PCDH9: variants seen among roughly 807,000 people sequenced by gnomAD.
PCDH9 encodes the protein protocadherin-9.
In PCDH9, 24 loss-of-function variants were observed where a neutral mutation model predicts 70.6. The observed-to-expected ratio is 0.34, with a 90% confidence interval of 0.25 to 0.48. PCDH9 has a LOEUF of 0.48. PCDH9 is among the 20% of genes least tolerant of loss of function. The pLI is 0.99. For synonymous variants in PCDH9, 562 were observed against 558.5 expected (o/e 1.01, Z -0.09); for missense variants, 1,281 against 1,503.6 (o/e 0.85, Z 2.45).
intron 4 of PCDH9, among the ~76,000 whole-genome samples, chr13:66,377,498 A>G (rs970952516): frequency 2.0e-5 from 3 of 151,930 alleles, no homozygotes; most frequent in African/African-American, 7.3e-5. Context: ...CATTCTTAAA[A>G]GAAAAAAAAA....
At chr13:67,012,824 G>A (rs942974435) in intron 2 of PCDH9, among the ~76,000 whole-genome samples, 2 of 151,874 alleles carry the variant, frequency 1.3e-5, no homozygotes, top group African/African-American at 4.8e-5. Flanking sequence ...CGAAAATTCC[G>A]AAGTGTTACT....
intron 2 of PCDH9, among the ~76,000 whole-genome samples, chr13:66,937,789 C>G (rs2082940910): frequency 6.6e-6 from 1 of 151,094 alleles, no homozygotes; most frequent in South Asian, 2.1e-4. Flanking sequence ...TGTTTCTGTA[C>G]TTCACTTCCA....
intron 2 of PCDH9, among the ~76,000 whole-genome samples, chr13:67,111,726 T>C (rs1031319288): frequency 6.6e-6 from 1 of 152,174 alleles, no homozygotes; most frequent in South Asian, 2.1e-4. Context: ...TATTTTTGAG[T>C]GGCTTTGATA....
chr13:66,567,321 C>T (rs560601890), intron 4 of PCDH9, among the ~76,000 whole-genome samples: 111 of 152,126 alleles, frequency 7.3e-4, no homozygotes, highest in Middle Eastern at 3.4e-3. Context: ...GAATAAAAAA[C>T]GCGTGGTATG....
intron 2 of PCDH9, among the ~76,000 whole-genome samples, chr13:67,162,916 A>C (rs144293538): frequency 6.1e-4 from 93 of 152,332 alleles, no homozygotes; most frequent in African/African-American, 2.2e-3. Context: ...GAAATTTAGA[A>C]AAGTTAACAA....
At chr13:66,823,436 A>G (rs2080751881) in intron 3 of PCDH9, among the ~76,000 whole-genome samples, 1 of 151,740 alleles carries the variant, frequency 6.6e-6, no homozygotes, top group Non-Finnish European at 1.5e-5. Context: ...TTATATTATA[A>G]AGATAATATA....
chr13:66,895,090 G>A (rs985544721), intron 3 of PCDH9, among the ~76,000 whole-genome samples: 3 of 152,106 alleles, frequency 2.0e-5, no homozygotes, highest in Non-Finnish European at 2.9e-5. Flanking sequence ...TTACAGGTAT[G>A]AGCCACCACG....
chr13:66,528,462 T>A (rs374205216), intron 4 of PCDH9, among the ~76,000 whole-genome samples: 58 of 152,240 alleles, frequency 3.8e-4, no homozygotes, highest in African/African-American at 1.4e-3. Flanking sequence ...AAATGTGTTT[T>A]CCCAAGCAAC....
chr13:66,970,646 A>G, intron 2 of PCDH9, among the ~76,000 whole-genome samples: 1 of 772 alleles, frequency 1.3e-3, no homozygotes, highest in South Asian at 0.17. Context: ...AAAAAAAGCA[A>G]AAAAAAAAAA....
intron 4 of PCDH9, among the ~76,000 whole-genome samples, chr13:66,442,933 C>A (rs1213469109): frequency 6.6e-6 from 1 of 152,132 alleles, no homozygotes; most frequent in Non-Finnish European, 1.5e-5. Context: ...GTTCCTAATT[C>A]CAGGCATATC....
chr13:66,712,470 T>A (rs2078807912), intron 3 of PCDH9, among the ~76,000 whole-genome samples: 1 of 152,132 alleles, frequency 6.6e-6, no homozygotes. Context: ...GAATTATTCC[T>A]TTAAATACAA....
chr13:66,678,138 G>A (rs77099593), intron 3 of PCDH9, among the ~76,000 whole-genome samples: 15,036 of 151,980 alleles, frequency 0.099, 856 homozygotes, highest in Middle Eastern at 0.13. Flanking sequence ...AAGTTGTTAC[G>A]TTACAGTTCT....
intron 3 of PCDH9, among the ~76,000 whole-genome samples, chr13:66,822,189 C>T (rs1035273718): frequency 6.6e-6 from 1 of 151,600 alleles, no homozygotes; most frequent in African/African-American, 2.4e-5. Context: ...CTAAGATTTT[C>T]CACTTATATA....
chr13:66,332,188 C>A lies in PCDH9; in HGVS notation c.3341-27160G>T, dbSNP rs139813209. ...AGAATTTCCTTCCAAACTTCTGAGGCATTTAGAAGTGCTAAGTAACTTTCC... is the reference window on the plus strand; with the variant it reads ...AGAATTTCCTTCCAAACTTCTGAGGAATTTAGAAGTGCTAAGTAACTTTCC... On this transcript the variant is annotated intron_variant, in intron 4 of 4. Coordinates refer to ENST00000377865, the MANE Select transcript of PCDH9 (RefSeq NM_203487.3). Among the ~76,000 whole-genome samples, 57 of 152,186 alleles carry A rather than the reference C, an allele frequency of 3.7e-4. 1 individual carries two copies. The highest frequency in any genetic ancestry group is 1.3e-3 in the African/African-American group (55 of 41,548).
chr13:66,765,743 A>T (rs983094802), intron 3 of PCDH9, among the ~76,000 whole-genome samples: 2 of 152,178 alleles, frequency 1.3e-5, no homozygotes, highest in Admixed American at 1.3e-4. Context: ...CCTAGCACTG[A>T]GGTCATGTTT....
intron 2 of PCDH9, among the ~76,000 whole-genome samples, chr13:67,012,734 T>A (rs2084475708): frequency 2.6e-5 from 4 of 151,940 alleles, no homozygotes; most frequent in Admixed American, 2.6e-4. Context: ...TCCAACTAAA[T>A]CAAATAGTTA....
chr13:67,013,062 A>C lies in PCDH9; in HGVS notation c.3037-109457T>G, dbSNP rs118118256. On this transcript the variant is annotated intron_variant, in intron 2 of 4. Transcript: ENST00000377865. The stretch of plus-strand genomic sequence containing the variant: ...GCATAACAAAATTATAGCTGTGATC[A>C]TATAGTAGTCTTTTTTATTAATAAC... Among the ~76,000 whole-genome samples the C allele has an allele frequency of 6.1e-3, 927 of 152,082 alleles. 3 individuals carry two copies. Among genetic ancestry groups the C allele is most frequent in the Middle Eastern group, 0.024 (7 of 294 alleles).
chr13:66,908,686 C>G (rs1480745864), intron 2 of PCDH9, among the ~76,000 whole-genome samples: 1 of 152,104 alleles, frequency 6.6e-6, no homozygotes, highest in Non-Finnish European at 1.5e-5. Context: ...GAAATTTATT[C>G]TGGCCCAAAT....
At chr13:66,372,851 C>G (rs768574221) in intron 4 of PCDH9, among the ~76,000 whole-genome samples, 2 of 151,818 alleles carry the variant, frequency 1.3e-5, no homozygotes, top group Non-Finnish European at 2.9e-5. Flanking sequence ...CTAATTTAGC[C>G]TGGTGCCTAG....
Sources: gnomAD v4.1 joint callset for allele counts (sites outside exome capture counted in the v4.1 genomes callset) on GRCh38, gnomAD v4.1.1 for gene constraint, MANE v1.5 for transcripts, NCBI Gene and HGNC (gene_info 2026-07-23, HGNC 2026-07-21) for gene names.